BMP6: variants seen among roughly 807,000 people sequenced by gnomAD.
BMP6 encodes bone morphogenetic protein 6, also known as VG-1-R.
A neutral mutation model predicts 54.1 loss-of-function variants in BMP6; 17 were observed. The ratio of observed to expected loss-of-function variants is 0.31; its 90% CI spans 0.22 to 0.47. BMP6 has a LOEUF of 0.47. Ranked by LOEUF, BMP6 falls within the 20% of genes least tolerant of loss-of-function variation. The pLI is 1.00. For synonymous variants in BMP6, 328 were observed against 291.2 expected (o/e 1.13, Z -1.28); for missense variants, 720 against 690.4 (o/e 1.04, Z -0.48).
intron 1 of BMP6, among the ~76,000 whole-genome samples, chr6:7,735,237 T>C (rs1581225514): frequency 1.3e-5 from 2 of 152,226 alleles, no homozygotes; most frequent in Non-Finnish European, 2.9e-5. Flanking sequence ...TGATTGTTGT[T>C]GCTGTGTTTA....
rs1421109197 is a variant in BMP6 at position 7,726,674 on chromosome 6, G to A, written c.-282G>A. On this transcript the variant is annotated 5_prime_UTR_variant, in exon 1 of 7. Coordinates refer to ENST00000283147, the MANE Select transcript of BMP6 (RefSeq NM_001718.6). ...GCCCGGACTCAGACGCACCTGGCCT[G>A]GACCGCGCGCCTCTAGAGACCTGCG... 6.2e-6 allele frequency: 1 copy of A among 161,696 alleles called. No individual in the cohort carries two copies. Among genetic ancestry groups the A allele is most frequent in the African/African-American group, 2.4e-5 (1 of 41,672 alleles). The allele number at this position is 161,696 out of a possible 1,614,324, so 10.0% of individuals were successfully genotyped here.
intron 1 of BMP6, among the ~76,000 whole-genome samples, chr6:7,827,207 G>C (rs1230468796): frequency 6.6e-6 from 1 of 152,180 alleles, no homozygotes; most frequent in African/African-American, 2.4e-5. Flanking sequence ...GCCCCACCCT[G>C]TGCCCTCCCT....
At chr6:7,861,284 C>CT (rs1251485295) in intron 2 of BMP6, among the ~76,000 whole-genome samples, 167 bp from the exon 3 acceptor site, 1 of 152,138 alleles carries the variant, frequency 6.6e-6, no homozygotes, top group East Asian at 1.9e-4. Flanking sequence ...TGCCTGTGTC[C>CT]TGGGTGGTAC....
chr6:7,819,650 C>T (rs919295504), intron 1 of BMP6, among the ~76,000 whole-genome samples: 23 of 152,196 alleles, frequency 1.5e-4, no homozygotes, highest in Non-Finnish European at 2.8e-4. Context: ...AGAATCTGCT[C>T]TGGAAATCCT....
At position 7,836,134 on chromosome 6, in the gene BMP6, G is replaced by A. The variant is rs142282352; in HGVS notation, c.665-9006G>A. Among the ~76,000 whole-genome samples the A allele has an allele frequency of 1.9e-3, 286 of 152,056 alleles. 2 individuals carry two copies. The highest frequency in any genetic ancestry group is 6.6e-3 in the African/African-American group (275 of 41,484). On this transcript the variant is annotated intron_variant, in intron 1 of 6. Transcript: ENST00000283147. ...ATTACCCGTGTGAGCCACTGCGCCC[G>A]GCCTATCTCCCCAGTTTAAAGTGAA... is the stretch of plus-strand genomic sequence containing the variant.
chr6:7,857,306 T>A (rs1759257170), intron 2 of BMP6, among the ~76,000 whole-genome samples: 1 of 152,242 alleles, frequency 6.6e-6, no homozygotes. Context: ...TTGCCCAGGA[T>A]GACCACAATG....
intron 2 of BMP6, among the ~76,000 whole-genome samples, chr6:7,847,167 C>T (rs1220539083): frequency 6.6e-6 from 1 of 152,134 alleles, no homozygotes; most frequent in Non-Finnish European, 1.5e-5. Context: ...AAATAAAATC[C>T]TGAATGGTCC....
At chr6:7,803,586 C>G (rs962063175) in intron 1 of BMP6, among the ~76,000 whole-genome samples, 2 of 152,182 alleles carry the variant, frequency 1.3e-5, no homozygotes, top group African/African-American at 4.8e-5. Flanking sequence ...TCTCCACCTA[C>G]AGAAAACTCC....
chr6:7,855,693 TA>T (rs1311038066), intron 2 of BMP6, among the ~76,000 whole-genome samples: 1 of 149,680 alleles, frequency 6.7e-6, no homozygotes, highest in Admixed American at 6.7e-5. Context: ...CATGCCCAGC[TA>T]AATTTTTTAT....
In BMP6 at chr6:7,817,545, C is replaced by A. The variant is rs373061138; in HGVS notation, c.665-27595C>A. 7.3e-4 allele frequency among the ~76,000 whole-genome samples: 78 copies of A among 106,712 alleles called. No homozygotes were observed. In the East Asian group the frequency reaches 0.015, roughly 21 times the overall value. 70.0% of individuals were successfully genotyped at this position (106,712 alleles called of 152,430 possible). ...ACAATGAGAACACTTGGACACAGGGCGGGGAACATCACACACGGGGGCCTG... is the reference window on the plus strand; with the variant it reads ...ACAATGAGAACACTTGGACACAGGGAGGGGAACATCACACACGGGGGCCTG... On this transcript the variant is annotated intron_variant, in intron 1 of 6. Transcript: ENST00000283147.
At chr6:7,791,866 T>C (rs919745762) in intron 1 of BMP6, among the ~76,000 whole-genome samples, 1 of 152,186 alleles carries the variant, frequency 6.6e-6, no homozygotes, top group Admixed American at 6.5e-5. Context: ...TATATCCGTC[T>C]ACTTATTTTT....
intron 1 of BMP6, among the ~76,000 whole-genome samples, chr6:7,731,091 CTG>C (rs1761848095): frequency 1.3e-5 from 2 of 152,194 alleles, no homozygotes; most frequent in South Asian, 4.1e-4. Flanking sequence ...TTTATGTTGA[CTG>C]TTTCAAACTC....
At chr6:7,793,910 C>T (rs1341192486) in intron 1 of BMP6, among the ~76,000 whole-genome samples, 1 of 152,184 alleles carries the variant, frequency 6.6e-6, no homozygotes, top group Non-Finnish European at 1.5e-5. Context: ...GTGTTTCTGC[C>T]TGAGCCCCAG....
intron 1 of BMP6, among the ~76,000 whole-genome samples, chr6:7,754,360 C>T (rs963385109): frequency 3.9e-5 from 6 of 152,314 alleles, no homozygotes; most frequent in Non-Finnish European, 4.4e-5. Context: ...CTGCCCTCCT[C>T]GGCTTCCCAA....
At chr6:7,867,448 C>A (rs995552602) in intron 4 of BMP6, among the ~76,000 whole-genome samples, 22 of 152,180 alleles carry the variant, frequency 1.4e-4, no homozygotes, top group African/African-American at 5.3e-4. Flanking sequence ...AAATCCAGTC[C>A]AGACTGGGGG....
intron 2 of BMP6, among the ~76,000 whole-genome samples, chr6:7,852,854 C>G (rs1377795173): frequency 2.0e-5 from 3 of 152,256 alleles, no homozygotes; most frequent in East Asian, 1.9e-4. Context: ...CTTGAAGAGC[C>G]AGAGTCCTAG....
At chr6:7,811,059 C>T (rs990813820) in intron 1 of BMP6, among the ~76,000 whole-genome samples, 3 of 152,178 alleles carry the variant, frequency 2.0e-5, no homozygotes, top group Non-Finnish European at 2.9e-5. Context: ...CTGATAGGTG[C>T]CCCATTACCT....
chr6:7,872,249 T>C lies in BMP6; in HGVS notation c.1205-6825T>C, dbSNP rs6928368. Among the ~76,000 whole-genome samples, 1,194 of 146,542 alleles carry C rather than the reference T, an allele frequency of 8.1e-3. 16 individuals are homozygous for C. Among genetic ancestry groups the C allele is most frequent in the African/African-American group, 0.029 (1,142 of 39,314 alleles). On this transcript the variant is annotated intron_variant, in intron 4 of 6. Coordinates refer to ENST00000283147, the MANE Select transcript of BMP6 (RefSeq NM_001718.6). Reference sequence around the variant, plus strand: ...AAACCAATACCAGGGGCAGTGGGAGTGAGGGGAAAGTTTTTTCTGTAATCT... The same window carrying C: ...AAACCAATACCAGGGGCAGTGGGAGCGAGGGGAAAGTTTTTTCTGTAATCT...
chr6:7,867,583 T>C (rs932839288), intron 4 of BMP6, among the ~76,000 whole-genome samples: 5 of 152,220 alleles, frequency 3.3e-5, no homozygotes, highest in Admixed American at 6.5e-5. Flanking sequence ...AGGTCAAGAC[T>C]GTGAACTAGC....
Sources: gnomAD v4.1 joint callset for allele counts (sites outside exome capture counted in the v4.1 genomes callset) on GRCh38, gnomAD v4.1.1 for gene constraint, MANE v1.5 for transcripts, NCBI Gene and HGNC (gene_info 2026-07-23, HGNC 2026-07-21) for gene names.